The following PTPRM variants were observed in gnomAD, a reference collection of about 807,000 sequenced individuals.
PTPRM encodes the protein receptor-type tyrosine-protein phosphatase mu.
Under a neutral mutation model 186.7 loss-of-function variants are expected in PTPRM, and 47 were observed. The ratio of observed to expected loss-of-function variants is 0.25; its 90% CI spans 0.20 to 0.32. The LOEUF (loss-of-function observed/expected upper bound fraction) is 0.32, where lower values mean the gene tolerates loss of function less well. Ranked by LOEUF, PTPRM falls within the 10% of genes least tolerant of loss-of-function variation. The pLI is 1.00. For missense variants in PTPRM, 1,494 were observed against 1,865.0 expected, an observed-to-expected ratio of 0.80 and a Z score of 3.66; for synonymous variants, 668 against 674.9, an observed-to-expected ratio of 0.99 and a Z score of 0.16.
chr18:8,255,407 A>G (rs2094565340), intron 19 of PTPRM, among the ~76,000 whole-genome samples: 1 of 152,214 alleles, frequency 6.6e-6, no homozygotes, highest in Non-Finnish European at 1.5e-5. Context: ...AATATTTCCC[A>G]TTCAGATCTT....
At position 7,875,151 on chromosome 18, in the gene PTPRM, G is replaced by T. The variant is rs140588361; in HGVS notation, c.197-12955G>T. Among the ~76,000 whole-genome samples, 9 of 152,044 alleles carry T rather than the reference G, an allele frequency of 5.9e-5. No homozygotes were observed. The East Asian group carries it at 1.4e-3, about 23-fold the overall frequency. On this transcript the variant is annotated intron_variant, in intron 2 of 32. Coordinates refer to ENST00000580170, the MANE Select transcript of PTPRM (RefSeq NM_001105244.2). ...GCAGAGGTTGCAGTGAACTGAGATC[G>T]TGCCACTGCACTCCAGCCTGGGTGA...
chr18:8,179,459 C>CT (rs563623028), intron 14 of PTPRM, among the ~76,000 whole-genome samples: 218 of 143,694 alleles, frequency 1.5e-3, no homozygotes, highest in East Asian at 2.8e-3. Flanking sequence ...AAATATCCCT[C>CT]TTTTTTTTTT....
chr18:8,318,285 C>CTTTTTTTTTTTTTTTTT (rs140026832), intron 21 of PTPRM, among the ~76,000 whole-genome samples: 1 of 59,906 alleles, frequency 1.7e-5, no homozygotes, highest in African/African-American at 7.4e-5. Flanking sequence ...TTGTTTCCTT[C>CTTTTTTTTTTTTTTTTT]TTTTTTTTTT....
intron 1 of PTPRM, among the ~76,000 whole-genome samples, chr18:7,590,672 G>A (rs1447843994): frequency 6.6e-6 from 1 of 152,190 alleles, no homozygotes; most frequent in Non-Finnish European, 1.5e-5. Context: ...ATATTTAAGG[G>A]TGTGAGATAA....
intron 20 of PTPRM, among the ~76,000 whole-genome samples, chr18:8,301,712 T>C (rs886577062): frequency 2.6e-5 from 4 of 152,260 alleles, no homozygotes; most frequent in African/African-American, 9.6e-5. Context: ...CAGGATGCTA[T>C]GCTGGTGTCG....
At chr18:8,356,045 C>T (rs1346842472) in intron 23 of PTPRM, among the ~76,000 whole-genome samples, 1 of 152,100 alleles carries the variant, frequency 6.6e-6, no homozygotes, top group Non-Finnish European at 1.5e-5. Flanking sequence ...GAAGTAATTC[C>T]CCAAAAGGAA....
intron 1 of PTPRM, among the ~76,000 whole-genome samples, chr18:7,658,330 TTATATA>T (rs34009975): frequency 0.039 from 4,877 of 124,408 alleles, 209 homozygotes; most frequent in South Asian, 0.11. Flanking sequence ...TAAAGTAAAT[TTATATA>T]TATATATATA....
At chr18:7,955,787 G>A (rs376028467) in intron 7 of PTPRM, among the ~76,000 whole-genome samples, 5 of 152,130 alleles carry the variant, frequency 3.3e-5, no homozygotes, top group Non-Finnish European at 5.9e-5. Flanking sequence ...TAGTTAATGT[G>A]CCAGCAGCCT....
At chr18:7,900,518 A>G (rs141043254) in intron 3 of PTPRM, among the ~76,000 whole-genome samples, 621 of 152,294 alleles carry the variant, frequency 4.1e-3, no homozygotes, top group African/African-American at 0.014. Flanking sequence ...TAAAAATTTT[A>G]GAACCTGTGT....
intron 7 of PTPRM, among the ~76,000 whole-genome samples, chr18:8,000,901 G>C (rs191632496): frequency 3.9e-4 from 59 of 152,300 alleles, no homozygotes; most frequent in African/African-American, 1.1e-3. Flanking sequence ...GCAGGCACTT[G>C]AATAAACTAC....
At chr18:7,605,125 A>G (rs1254645268) in intron 1 of PTPRM, among the ~76,000 whole-genome samples, 1 of 152,190 alleles carries the variant, frequency 6.6e-6, no homozygotes, top group Non-Finnish European at 1.5e-5. Context: ...TGTTGGAAGA[A>G]GAGCTGTCTT....
intron 2 of PTPRM, among the ~76,000 whole-genome samples, chr18:7,806,914 T>G (rs1200150455): frequency 6.6e-6 from 1 of 152,208 alleles, no homozygotes; most frequent in African/African-American, 2.4e-5. Flanking sequence ...TTTCTTTTTC[T>G]TTTTCCCATT....
At chr18:7,850,030 T>A (rs1343543171) in intron 2 of PTPRM, among the ~76,000 whole-genome samples, 1 of 152,202 alleles carries the variant, frequency 6.6e-6, no homozygotes, top group African/African-American at 2.4e-5. Flanking sequence ...TATCCCTGTT[T>A]TACAATCATG....
chr18:8,404,481 G>C (rs2095891391), intron 32 of PTPRM: 1 of 152,186 alleles, frequency 6.6e-6, no homozygotes, highest in South Asian at 2.1e-4. Context: ...CTGGGCTAGA[G>C]ACTGTTACTT....
intron 22 of PTPRM, among the ~76,000 whole-genome samples, chr18:8,329,964 A>G (rs1156937506): frequency 1.3e-5 from 2 of 151,896 alleles, no homozygotes; most frequent in Non-Finnish European, 2.9e-5. Flanking sequence ...ACACCTGGCT[A>G]ATTTTTTATT....
chr18:8,152,357 G>A (rs575227306), intron 14 of PTPRM, among the ~76,000 whole-genome samples: 1 of 152,262 alleles, frequency 6.6e-6, no homozygotes, highest in South Asian at 2.1e-4. Context: ...TTCAGGGCGA[G>A]TTAATATTCC....
At chr18:7,595,488 G>A (rs1222894338) in intron 1 of PTPRM, among the ~76,000 whole-genome samples, 1 of 152,162 alleles carries the variant, frequency 6.6e-6, no homozygotes, top group African/African-American at 2.4e-5. Flanking sequence ...CATAGTTAAT[G>A]TTGAGCCTTT....
intron 7 of PTPRM, among the ~76,000 whole-genome samples, chr18:7,963,092 C>A (rs77924184): frequency 0.012 from 1,877 of 152,342 alleles, 28 homozygotes; most frequent in African/African-American, 0.043. Context: ...CATTAAAAAC[C>A]TTTTTAAATT....
At chr18:8,138,384 C>T (rs1481422974) in intron 13 of PTPRM, among the ~76,000 whole-genome samples, 1 of 152,226 alleles carries the variant, frequency 6.6e-6, no homozygotes, top group East Asian at 1.9e-4. Flanking sequence ...CACGCCTTAG[C>T]CCCCTTCCAA....
Sources: allele counts gnomAD v4.1 joint callset (sites outside exome capture counted in the v4.1 genomes callset), GRCh38; gene constraint gnomAD v4.1.1; transcripts MANE v1.5; gene names NCBI Gene and HGNC (gene_info 2026-07-23, HGNC 2026-07-21).